The following CREM variants were observed in gnomAD, a reference collection of about 807,000 sequenced individuals.
CREM encodes cAMP responsive element modulator, also known as cAMP-responsive element modulator.
Under a neutral mutation model 37.3 loss-of-function variants are expected in CREM, and 13 were observed. That is an observed-to-expected ratio of 0.35 (90% CI 0.23 to 0.55). The LOEUF (loss-of-function observed/expected upper bound fraction) is 0.55. Among genes scored for constraint, CREM ranks in the 20% least tolerant of loss-of-function variants. The pLI is 0.88. For missense variants in CREM, 296 were observed against 362.3 expected, an observed-to-expected ratio of 0.82 and a Z score of 1.49; for synonymous variants, 124 against 120.2, an observed-to-expected ratio of 1.03 and a Z score of -0.21.
At chr10:35,138,430 C>CT (rs2090928245) in intron 2 of CREM, among the ~76,000 whole-genome samples, 1 of 151,490 alleles carries the variant, frequency 6.6e-6, no homozygotes, top group African/African-American at 2.4e-5. Context: ...CAATTGGATT[C>CT]TATTTTTAGA....
chr10:35,192,085 A>G (rs997184985), intron 6 of CREM, among the ~76,000 whole-genome samples: 1 of 152,236 alleles, frequency 6.6e-6, no homozygotes, highest in Non-Finnish European at 1.5e-5. Flanking sequence ...CCTGGGTGCT[A>G]TCCCTCTGAC....
rs146251864 is a variant in CREM, at chr10:35,140,325, C to T, written c.44+2446C>T. Reference sequence around the variant, plus strand: ...AGCATACTCCAAAACACATCATCATCGTAAAATGTTGTCCAAACTGTAATT... The same window carrying T: ...AGCATACTCCAAAACACATCATCATTGTAAAATGTTGTCCAAACTGTAATT... On this transcript the variant is annotated intron_variant, in intron 2 of 7. Transcript: ENST00000685392. 8.5e-5 allele frequency among the ~76,000 whole-genome samples: 13 copies of T among 152,232 alleles called. No individual in the cohort carries two copies. In the East Asian group the frequency reaches 2.1e-3, roughly 25 times the overall value.
At chr10:35,188,415 A>G (rs1238231073) in intron 6 of CREM, 27 bp downstream of exon 6, 2 of 1,577,558 alleles carry the variant, frequency 1.3e-6, no homozygotes, top group African/African-American at 1.4e-5. Flanking sequence ...TAATACATTT[A>G]GAATACCTAT....
chr10:35,143,833 G>A (rs1352950718), intron 2 of CREM, among the ~76,000 whole-genome samples: 2 of 152,138 alleles, frequency 1.3e-5, no homozygotes, highest in Non-Finnish European at 2.9e-5. Flanking sequence ...GACCTTGATT[G>A]GGTGTGGGAA....
chr10:35,169,762 G>A (rs914128200), intron 3 of CREM, among the ~76,000 whole-genome samples: 49 of 152,022 alleles, frequency 3.2e-4, no homozygotes, highest in Admixed American at 1.3e-3. Flanking sequence ...TTTGAGATAC[G>A]TCCCATCAAT....
Position 35,211,634 on chromosome 10 carries a change from C to CT in CREM, c.*239dup. ...GCATGCAAAAAATGCTTTGTTTGCC[C>CT]TTTGCTTCTGCTTTTTTTCAGGGAA... On this transcript the variant is annotated 3_prime_UTR_variant, in exon 8 of 8. Transcript: ENST00000685392. The CT allele has an allele frequency of 1.2e-6, 2 of 1,606,020 alleles. No homozygotes were observed. The highest frequency in any genetic ancestry group is 1.7e-6 in the Non-Finnish European group (2 of 1,176,742).
chr10:35,167,707 A>G (rs776954911), intron 3 of CREM: 2 of 1,612,504 alleles, frequency 1.2e-6, no homozygotes, highest in East Asian at 2.2e-5. Context: ...AGTACTGTTT[A>G]TAGTGGGATT....
chr10:35,185,293 G>A (rs749511455), intron 5 of CREM, among the ~76,000 whole-genome samples: 15 of 151,970 alleles, frequency 9.9e-5, no homozygotes, highest in African/African-American at 1.4e-4. Context: ...TAGTAGGGAC[G>A]GGGTTTCTCC....
intron 5 of CREM, among the ~76,000 whole-genome samples, chr10:35,185,553 A>G (rs2094523324): frequency 1.3e-5 from 2 of 152,240 alleles, no homozygotes; most frequent in South Asian, 4.1e-4. Context: ...TCTAGCCACA[A>G]GGGGCCAAGA....
At chr10:35,211,125 T>G in intron 7 of CREM, 129 bp from the exon 8 acceptor site, 1 of 845,754 alleles carries the variant, frequency 1.2e-6, no homozygotes, top group Non-Finnish European at 1.8e-6. Flanking sequence ...TTATGTTTGT[T>G]ATGTGGCTTT....
chr10:35,134,029 T>G (rs7913615), intron 1 of CREM, among the ~76,000 whole-genome samples: 46,506 of 151,614 alleles, frequency 0.31, 7,437 homozygotes, highest in South Asian at 0.35. Context: ...AGGTATTAAT[T>G]TAACCACAGC....
intron 1 of CREM, among the ~76,000 whole-genome samples, chr10:35,132,156 G>A (rs569867990): frequency 1.0e-4 from 15 of 147,500 alleles, no homozygotes; most frequent in East Asian, 2.0e-4. Context: ...AGCCGAGATC[G>A]TGCTACTGCA....
At chr10:35,174,641 A>G (rs1045099872) in intron 3 of CREM, among the ~76,000 whole-genome samples, 2 of 152,208 alleles carry the variant, frequency 1.3e-5, no homozygotes, top group Non-Finnish European at 2.9e-5. Flanking sequence ...ACCACTCATG[A>G]TAGACACTGG....
intron 3 of CREM, among the ~76,000 whole-genome samples, chr10:35,164,616 A>G (rs2093448558): frequency 6.6e-6 from 1 of 152,264 alleles, no homozygotes; most frequent in South Asian, 2.1e-4. Context: ...TGGTAAGACC[A>G]AACTGCATTA....
At chr10:35,207,422 TAATA>T (rs1412243002) in intron 7 of CREM, among the ~76,000 whole-genome samples, 11 of 150,744 alleles carry the variant, frequency 7.3e-5, no homozygotes, top group African/African-American at 2.4e-4. Flanking sequence ...TATTAAATAT[TAATA>T]AATGATAATA....
At chr10:35,152,241 A>G (rs4934536) in intron 3 of CREM, 44,536 of 152,144 alleles carry the variant, frequency 0.29, 7,061 homozygotes, top group South Asian at 0.35. Flanking sequence ...ATCTAAGGTC[A>G]TTTGATACTG....
In CREM at chr10:35,186,990, AT is replaced by A. The variant is rs2094597902; in HGVS notation, c.410-1208del. 8.9e-5 allele frequency among the ~76,000 whole-genome samples: 8 copies of A among 89,706 alleles called. No individual in the cohort carries two copies. The Admixed American group carries it at 1.5e-3, about 17-fold the overall frequency. The allele number at this position is 89,706 out of a possible 152,430, so 58.9% of individuals were successfully genotyped here. ...AATTTATATATTATATGTGATATAT[AT>A]TATATATTATATATAATATAATATA... On this transcript the variant is annotated intron_variant, in intron 5 of 7. Coordinates refer to ENST00000685392, the MANE Select transcript of CREM (RefSeq NM_183011.2).
chr10:35,159,228 C>T (rs758206839), intron 3 of CREM, among the ~76,000 whole-genome samples: 8 of 151,628 alleles, frequency 5.3e-5, no homozygotes, highest in Non-Finnish European at 1.0e-4. Flanking sequence ...CATCTTATTA[C>T]TTGGTGTATG....
chr10:35,198,415 C>G (rs896381426), intron 6 of CREM, among the ~76,000 whole-genome samples: 3 of 151,296 alleles, frequency 2.0e-5, no homozygotes, highest in Non-Finnish European at 2.9e-5. Flanking sequence ...CTCAGCTACT[C>G]GGGAAGCTGA....
Sources: allele counts gnomAD v4.1 joint callset (sites outside exome capture counted in the v4.1 genomes callset), GRCh38; gene constraint gnomAD v4.1.1; transcripts MANE v1.5; gene names NCBI Gene and HGNC (gene_info 2026-07-23, HGNC 2026-07-21).